Variants in DLGAP2 observed in about 807,000 individuals in gnomAD.
DLGAP2 encodes DLG associated protein 2, also known as disks large-associated protein 2.
A neutral mutation model predicts 100.3 loss-of-function variants in DLGAP2; 26 were observed. The ratio of observed to expected loss-of-function variants is 0.26; its 90% CI spans 0.19 to 0.36. DLGAP2 has a LOEUF of 0.36. Ranked by LOEUF, DLGAP2 falls within the 10% of genes least tolerant of loss-of-function variation. DLGAP2 has a pLI of 1.00. For synonymous variants in DLGAP2, 886 were observed against 630.1 expected (o/e 1.41, Z -6.08); for missense variants, 1,858 against 1,453.2 (o/e 1.28, Z -4.53).
intron 6 of DLGAP2, among the ~76,000 whole-genome samples, chr8:1,573,540 G>C (rs1161480738): frequency 6.6e-6 from 1 of 152,122 alleles, no homozygotes; most frequent in Non-Finnish European, 1.5e-5. Flanking sequence ...GGGTTTCACA[G>C]CTTGGGGAGC....
chr8:1,493,318 G>A (rs1305788653), intron 3 of DLGAP2, among the ~76,000 whole-genome samples: 2 of 151,526 alleles, frequency 1.3e-5, no homozygotes, highest in African/African-American at 4.9e-5. Flanking sequence ...CTCCATCTCC[G>A]TGGCTTTCAG....
intron 3 of DLGAP2, among the ~76,000 whole-genome samples, chr8:1,391,020 G>C (rs948649931): frequency 6.6e-6 from 1 of 152,182 alleles, no homozygotes; most frequent in Admixed American, 6.5e-5. Context: ...CCCCATGTGG[G>C]GTCATCTGGA....
chr8:1,037,845 C>G (rs1802179581), intron 2 of DLGAP2, among the ~76,000 whole-genome samples: 1 of 152,214 alleles, frequency 6.6e-6, no homozygotes, highest in Non-Finnish European at 1.5e-5. Flanking sequence ...GAAAGCTTAT[C>G]AAAGCTCAGA....
At chr8:1,285,095 T>C (rs1336518023) in intron 3 of DLGAP2, among the ~76,000 whole-genome samples, 3 of 152,234 alleles carry the variant, frequency 2.0e-5, no homozygotes, top group African/African-American at 7.2e-5. Flanking sequence ...GTATAAATTC[T>C]GCCATATTTT....
intron 2 of DLGAP2, among the ~76,000 whole-genome samples, chr8:1,231,114 A>G (rs73527767): frequency 6.6e-6 from 1 of 152,146 alleles, no homozygotes; most frequent in Non-Finnish European, 1.5e-5. Flanking sequence ...TCTAATACAC[A>G]GAATCTATAA....
At chr8:1,191,875 T>G (rs1438377418) in intron 2 of DLGAP2, among the ~76,000 whole-genome samples, 1 of 152,180 alleles carries the variant, frequency 6.6e-6, no homozygotes, top group East Asian at 1.9e-4. Flanking sequence ...GGAAGCGCCT[T>G]TATTCTTGGT....
chr8:1,451,785 C>T (rs1289362517), intron 3 of DLGAP2, among the ~76,000 whole-genome samples: 2 of 152,206 alleles, frequency 1.3e-5, no homozygotes, highest in African/African-American at 2.4e-5. Context: ...CCTGAGGCCA[C>T]AACATTCTCC....
chr8:1,673,929 C>T (rs1469718630), intron 10 of DLGAP2, among the ~76,000 whole-genome samples: 1 of 152,224 alleles, frequency 6.6e-6, no homozygotes, highest in Non-Finnish European at 1.5e-5. Flanking sequence ...GGTACACAAA[C>T]ATGCCTGTGA....
At position 1,357,051 on chromosome 8, in the gene DLGAP2, C is replaced by A. The variant is rs185263740; in HGVS notation, c.106+98168C>A. Among the ~76,000 whole-genome samples, 84 of 150,794 alleles carry A rather than the reference C, an allele frequency of 5.6e-4. 1 individual carries two copies. The South Asian group carries it at 0.011, about 20-fold the overall frequency. On this transcript the variant is annotated intron_variant, in intron 3 of 14. Coordinates refer to ENST00000637795, the MANE Select transcript of DLGAP2 (RefSeq NM_001346810.2). ...CGGGAGAAATCATCCTCCCTGTTAA[C>A]GTCTGTTCTGTTTGCAGACTTTGAT... is the stretch of plus-strand genomic sequence containing the variant.
intron 3 of DLGAP2, among the ~76,000 whole-genome samples, chr8:1,348,208 T>G (rs1198605874): frequency 1.3e-5 from 2 of 152,246 alleles, no homozygotes; most frequent in African/African-American, 4.8e-5. Context: ...AGAGCTGCAT[T>G]GCACTCATGG....
intron 2 of DLGAP2, among the ~76,000 whole-genome samples, chr8:1,065,188 C>T (rs1803208247): frequency 6.6e-6 from 1 of 152,186 alleles, no homozygotes; most frequent in Admixed American, 6.5e-5. Context: ...CCAGTGTTCG[C>T]TGAAGCTGTG....
At chr8:1,690,918 T>C (rs774681577) in intron 12 of DLGAP2, among the ~76,000 whole-genome samples, 40 of 152,046 alleles carry the variant, frequency 2.6e-4, no homozygotes, top group Non-Finnish European at 5.1e-4. Flanking sequence ...GTGACCCTTT[T>C]ACCATCTCCA....
At chr8:1,036,177 C>A (rs1386189147) in intron 2 of DLGAP2, among the ~76,000 whole-genome samples, 1 of 150,780 alleles carries the variant, frequency 6.6e-6, no homozygotes, top group Admixed American at 6.6e-5. Context: ...TCATCCCGAC[C>A]CCGCGTGTCA....
chr8:1,161,590 C>T lies in DLGAP2; in HGVS notation c.74-97261C>T, dbSNP rs534373136. On this transcript the variant is annotated intron_variant, in intron 2 of 14. Coordinates refer to ENST00000637795, the MANE Select transcript of DLGAP2 (RefSeq NM_001346810.2). Reference sequence around the variant, plus strand: ...ATCGGCGCCTTCCCAAACTCCGCTCCACAGAATGAGCTGATGAGACTCGGC... The same window carrying T: ...ATCGGCGCCTTCCCAAACTCCGCTCTACAGAATGAGCTGATGAGACTCGGC... Among the ~76,000 whole-genome samples the T allele has an allele frequency of 3.9e-5, 6 of 152,326 alleles. 1 individual carries two copies. The South Asian group carries it at 1.2e-3, about 32-fold the overall frequency.
chr8:1,202,284 T>G (rs1046541391), intron 2 of DLGAP2, among the ~76,000 whole-genome samples: 1 of 129,832 alleles, frequency 7.7e-6, no homozygotes, highest in African/African-American at 3.4e-5. Flanking sequence ...CTGTGGTGCA[T>G]GTATGTAGTA....
At chr8:1,525,851 G>A (rs1433436332) in intron 4 of DLGAP2, among the ~76,000 whole-genome samples, 1 of 152,170 alleles carries the variant, frequency 6.6e-6, no homozygotes, top group Non-Finnish European at 1.5e-5. Flanking sequence ...CCTGTGTGAC[G>A]TTGGGCGGTG....
chr8:1,492,696 AC>A (rs904026233), intron 3 of DLGAP2, among the ~76,000 whole-genome samples: 51 of 151,926 alleles, frequency 3.4e-4, no homozygotes, highest in African/African-American at 1.1e-3. Flanking sequence ...GCCGGGATGG[AC>A]CCCCCGCCTC....
chr8:1,276,106 TATATATATA>T (rs1490296220), intron 3 of DLGAP2, among the ~76,000 whole-genome samples: 7 of 141,624 alleles, frequency 4.9e-5, no homozygotes, highest in African/African-American at 1.9e-4. Context: ...AATATATAAA[TATATATATA>T]ATATATATAA....
Position 1,424,317 on chromosome 8 carries a change from C to T in DLGAP2, c.107-77049C>T, listed in dbSNP as rs117451242. On this transcript the variant is annotated intron_variant, in intron 3 of 14. Transcript: ENST00000637795. ...TAAAGACAACAGAGACTTATTAAGA[C>T]GTGCGTATCAAGGGCCCACTATGAG... is the stretch of plus-strand genomic sequence containing the variant. 6.6e-3 allele frequency among the ~76,000 whole-genome samples: 999 copies of T among 152,330 alleles called. 6 individuals carry two copies. Among genetic ancestry groups the T allele is most frequent in the Non-Finnish European group, 0.01 (712 of 68,028 alleles).
Sources: gnomAD v4.1 joint callset for allele counts (sites outside exome capture counted in the v4.1 genomes callset) on GRCh38, gnomAD v4.1.1 for gene constraint, MANE v1.5 for transcripts, NCBI Gene and HGNC (gene_info 2026-07-23, HGNC 2026-07-21) for gene names.